The following XKR9 variants were observed in gnomAD, a reference collection of about 807,000 sequenced individuals.
XKR9 encodes XK-related protein 9.
In XKR9, 32 loss-of-function variants were observed where a neutral mutation model predicts 32.0. The observed-to-expected ratio is 1.00, with a 90% CI of 0.76 to 1.34. The LOEUF is 1.34. XKR9 is among the 40% of genes most tolerant of loss of function. XKR9 has a pLI of 0.00. For missense variants in XKR9, 546 were observed against 429.7 expected (o/e 1.27, Z -2.39); for synonymous variants, 168 against 143.4 (o/e 1.17, Z -1.22).
chr8:71,019,845 C>G, the XKR9 span, among the ~76,000 whole-genome samples: 3 of 152,162 alleles, frequency 2.0e-5, no homozygotes, highest in African/African-American at 7.2e-5. Flanking sequence ...ATATAAAACT[C>G]TGTTCTGAGC....
At chr8:70,850,355 G>A in the XKR9 span, among the ~76,000 whole-genome samples, 8 of 150,852 alleles carry the variant, frequency 5.3e-5, no homozygotes, top group African/African-American at 1.5e-4. Flanking sequence ...CAGCTACTCC[G>A]GAGGAGGCTG....
At chr8:70,934,800 T>C in the XKR9 span, among the ~76,000 whole-genome samples, 1 of 152,106 alleles carries the variant, frequency 6.6e-6, no homozygotes, top group South Asian at 2.1e-4. Flanking sequence ...TAACTCGTTT[T>C]AACAAATGTA....
chr8:70,859,989 T>A, the XKR9 span, among the ~76,000 whole-genome samples: 2 of 152,252 alleles, frequency 1.3e-5, no homozygotes, highest in South Asian at 4.1e-4. Context: ...AAGAGAGGAC[T>A]TGAAATGTTC....
chr8:71,044,118 C>A, the XKR9 span, among the ~76,000 whole-genome samples: 1 of 152,208 alleles, frequency 6.6e-6, no homozygotes, highest in Non-Finnish European at 1.5e-5. Context: ...TATAGCTGAA[C>A]ATATGCTTAT....
chr8:70,859,933 G>T, the XKR9 span, among the ~76,000 whole-genome samples: 12 of 152,038 alleles, frequency 7.9e-5, no homozygotes, highest in Non-Finnish European at 1.6e-4. Flanking sequence ...CCAGAGTAGG[G>T]TCACTATTGC....
At chr8:70,685,425 G>A (rs1819232585) in intron 3 of XKR9, among the ~76,000 whole-genome samples, 1 of 147,166 alleles carries the variant, frequency 6.8e-6, no homozygotes, top group Admixed American at 6.8e-5. Flanking sequence ...CAGCACACCA[G>A]CATGGCACAT....
rs146214503 is a variant in XKR9, at chr8:70,669,524, T to A, written c.-375T>A. 1.6e-3 allele frequency: 348 copies of A among 222,854 alleles called. 2 individuals carry two copies. The highest frequency in any genetic ancestry group is 7.8e-3 in the African/African-American group (329 of 42,406). 13.8% of individuals were successfully genotyped at this position (222,854 alleles called of 1,614,324 possible). A position where few individuals can be genotyped will look rare whatever the true frequency, so the allele number is the denominator to read the frequency against. On this transcript the variant is annotated 5_prime_UTR_variant, in exon 1 of 5. Coordinates refer to ENST00000408926, the MANE Select transcript of XKR9 (RefSeq NM_001011720.2). ...GACATTTTAATCTGGAAGAGTCTTG[T>A]GATTTGGGAGACAGGTTTGGTAACC... is the stretch of plus-strand genomic sequence containing the variant.
chr8:70,900,079 G>A, the XKR9 span, among the ~76,000 whole-genome samples: 1 of 151,990 alleles, frequency 6.6e-6, no homozygotes, highest in South Asian at 2.1e-4. Context: ...TCCAGCCTGG[G>A]TGATGGGAGT....
chr8:70,869,565 A>G, the XKR9 span, among the ~76,000 whole-genome samples: 2 of 152,202 alleles, frequency 1.3e-5, no homozygotes, highest in African/African-American at 4.8e-5. Flanking sequence ...GTGGGAATTC[A>G]AGATGAGATT....
chr8:70,910,096 A>G, the XKR9 span, among the ~76,000 whole-genome samples: 12,470 of 142,996 alleles, frequency 0.087, 562 homozygotes, highest in Non-Finnish European at 0.1. Flanking sequence ...CCCTGTGGGG[A>G]AAAAAAAAAA....
chr8:70,843,991 G>A, the XKR9 span, among the ~76,000 whole-genome samples: 1 of 152,194 alleles, frequency 6.6e-6, no homozygotes, highest in East Asian at 1.9e-4. Context: ...ATGCCAGCTG[G>A]ACCCAGTGGA....
the XKR9 span, among the ~76,000 whole-genome samples, chr8:70,927,351 G>A: frequency 4.6e-5 from 7 of 152,110 alleles, no homozygotes; most frequent in Non-Finnish European, 8.8e-5. Context: ...GAAATGCAGG[G>A]CAGTGGGTGG....
the XKR9 span, among the ~76,000 whole-genome samples, chr8:70,988,333 TAAA>T: frequency 2.9e-5 from 4 of 139,494 alleles, no homozygotes; most frequent in Admixed American, 7.1e-5. Flanking sequence ...CATGCGTGGT[TAAA>T]AAAAAAAAAA....
chr8:70,826,481 A>G, the XKR9 span, among the ~76,000 whole-genome samples: 1 of 152,182 alleles, frequency 6.6e-6, no homozygotes, highest in Non-Finnish European at 1.5e-5. Context: ...GCCAGACAAA[A>G]TGGTTTAAAT....
At chr8:70,701,717 T>C (rs944792115) in intron 3 of XKR9, among the ~76,000 whole-genome samples, 6 of 152,182 alleles carry the variant, frequency 3.9e-5, no homozygotes, top group African/African-American at 7.2e-5. Flanking sequence ...AAAAATTGAA[T>C]TCATGTTGGT....
At chr8:70,953,297 ATACAT>A in the XKR9 span, among the ~76,000 whole-genome samples, 1 of 152,184 alleles carries the variant, frequency 6.6e-6, no homozygotes, top group Non-Finnish European at 1.5e-5. Flanking sequence ...TACAATTTCC[ATACAT>A]TACATTATTA....
At chr8:70,804,815 C>G in the XKR9 span, among the ~76,000 whole-genome samples, 2 of 152,106 alleles carry the variant, frequency 1.3e-5, no homozygotes, top group African/African-American at 4.8e-5. Context: ...ACTTCATGGA[C>G]TCATTTTATT....
chr8:70,905,871 G>T, the XKR9 span, among the ~76,000 whole-genome samples: 4 of 152,236 alleles, frequency 2.6e-5, no homozygotes, highest in Non-Finnish European at 2.9e-5. Context: ...CTGCAGGTCT[G>T]TTGGAGTTTG....
intron 2 of XKR9, among the ~76,000 whole-genome samples, chr8:70,677,855 A>G (rs1818933557): frequency 6.6e-6 from 1 of 152,244 alleles, no homozygotes; most frequent in Admixed American, 6.5e-5. Flanking sequence ...AGTAGTAGCT[A>G]CTATTACTAC....
Sources: allele counts gnomAD v4.1 joint callset (sites outside exome capture counted in the v4.1 genomes callset), GRCh38; gene constraint gnomAD v4.1.1; transcripts MANE v1.5; gene names NCBI Gene and HGNC (gene_info 2026-07-23, HGNC 2026-07-21).